The following TAOK3 variants were observed in gnomAD, a reference collection of about 807,000 sequenced individuals.
TAOK3 encodes TAO kinase 3.
Under a neutral mutation model 120.4 loss-of-function variants are expected in TAOK3, and 40 were observed. The observed-to-expected ratio is 0.33, with a 90% confidence interval of 0.26 to 0.43. The LOEUF is 0.43. Among genes scored for constraint, TAOK3 ranks in the 20% least tolerant of loss-of-function variants. The probability of loss-of-function intolerance (pLI) is 1.00; values close to 1 mark genes in which losing one functional copy is unlikely to be tolerated. For missense variants in TAOK3, 821 were observed against 1,112.1 expected (o/e 0.74, Z 3.72); for synonymous variants, 355 against 387.5 (o/e 0.92, Z 0.99).
intron 1 of TAOK3, among the ~76,000 whole-genome samples, chr12:118,291,220 G>T (rs1190280443): frequency 6.7e-6 from 1 of 150,068 alleles, no homozygotes; most frequent in Non-Finnish European, 1.5e-5. Flanking sequence ...GCAATGGTGA[G>T]ATCTCAGCTT....
chr12:118,295,176 G>C (rs1024691123), intron 1 of TAOK3: 2 of 152,012 alleles, frequency 1.3e-5, no homozygotes, highest in African/African-American at 4.8e-5. Context: ...GAGTAGCTGG[G>C]GTTACAGGTG....
chr12:118,369,965 C>T (rs1252127086), intron 1 of TAOK3, among the ~76,000 whole-genome samples: 2 of 151,998 alleles, frequency 1.3e-5, no homozygotes, highest in Admixed American at 6.5e-5. Context: ...ACCTCTGACT[C>T]CTGAGTTCAA....
At chr12:118,366,249 G>A (rs912050292) in intron 1 of TAOK3, among the ~76,000 whole-genome samples, 4 of 151,978 alleles carry the variant, frequency 2.6e-5, no homozygotes, top group South Asian at 2.1e-4. Context: ...GAGCGAAAGA[G>A]CGAGACTCAA....
intron 1 of TAOK3, among the ~76,000 whole-genome samples, chr12:118,312,312 T>C (rs953736212): frequency 6.6e-6 from 1 of 152,050 alleles, no homozygotes; most frequent in Non-Finnish European, 1.5e-5. Flanking sequence ...AAAAAAAATC[T>C]AGTCCCTTAA....
intron 1 of TAOK3, among the ~76,000 whole-genome samples, chr12:118,295,614 A>G (rs1006779088): frequency 1.9e-4 from 29 of 152,160 alleles, no homozygotes; most frequent in African/African-American, 6.8e-4. Flanking sequence ...TTTTGGCCTT[A>G]TGCTCCTTAG....
chr12:118,155,796 G>T (rs1480040062), intron 19 of TAOK3, among the ~76,000 whole-genome samples: 1 of 152,052 alleles, frequency 6.6e-6, no homozygotes, highest in Non-Finnish European at 1.5e-5. Flanking sequence ...GAGTGCAGTG[G>T]TGTGATCATA....
At position 118,172,360 on chromosome 12, in the gene TAOK3, T is replaced by G; in HGVS notation, c.1899+97A>C. 3.0e-6 allele frequency: 4 copies of G among 1,326,310 alleles called. No homozygotes were observed. In the South Asian group the frequency reaches 4.9e-5, roughly 16 times the overall value. 82.2% of individuals were successfully genotyped at this position (1,326,310 alleles called of 1,614,324 possible). A position where few individuals can be genotyped will look rare whatever the true frequency, so the allele number is the denominator to read the frequency against. On this transcript the variant is annotated intron_variant, in intron 17 of 20. Coordinates refer to ENST00000392533, the MANE Select transcript of TAOK3 (RefSeq NM_016281.4). ...CACTGTGCTAAAAGGCTAGAAAGGC[T>G]AGGGATATAGGAATGGACCAGGCAG...
intron 1 of TAOK3, among the ~76,000 whole-genome samples, chr12:118,335,689 G>A (rs1052261939): frequency 5.3e-5 from 8 of 152,008 alleles, no homozygotes; most frequent in South Asian, 2.1e-4. Context: ...AAAATTACCC[G>A]GGCGTGGTGG....
At chr12:118,183,897 A>G (rs577743222) in intron 14 of TAOK3, among the ~76,000 whole-genome samples, 26 of 152,262 alleles carry the variant, frequency 1.7e-4, no homozygotes, top group Non-Finnish European at 3.4e-4. Flanking sequence ...CTTACAGCCA[A>G]TAAAATATTC....
chr12:118,215,208 C>A (rs1460356351), intron 9 of TAOK3, among the ~76,000 whole-genome samples: 1 of 142,460 alleles, frequency 7.0e-6, no homozygotes, highest in African/African-American at 2.5e-5. Context: ...ACATCACTAA[C>A]AAAATGGCCG....
Position 118,262,573 on chromosome 12 carries a change from T to C in TAOK3, c.-89+4082A>G, listed in dbSNP as rs189943498. On this transcript the variant is annotated intron_variant, in intron 2 of 20. Transcript: ENST00000392533. ...CGGGTGCGGTGGCTCACGCCTATAA[T>C]CCCAGTACTTTGGGAGGCTGAGGTG... is the stretch of plus-strand genomic sequence containing the variant. Among the ~76,000 whole-genome samples, 1,395 of 152,068 alleles carry C rather than the reference T, an allele frequency of 9.2e-3. 25 individuals are homozygous for C. Among genetic ancestry groups the C allele is most frequent in the African/African-American group, 0.031 (1,306 of 41,464 alleles).
chr12:118,249,067 C>A (rs889831475), intron 3 of TAOK3, among the ~76,000 whole-genome samples: 8 of 152,092 alleles, frequency 5.3e-5, no homozygotes, highest in Non-Finnish European at 8.8e-5. Context: ...ATGACTACAG[C>A]CTCTATCATT....
Position 118,243,452 on chromosome 12 carries a change from T to C in TAOK3, c.257A>G (p.Glu86Gly). 6.4e-7 allele frequency: 1 copy of C among 1,572,358 alleles called. No homozygotes were observed. The highest frequency in any genetic ancestry group is 8.6e-7 in the Non-Finnish European group (1 of 1,165,256). Residue 86 changes from glutamate (E) to glycine (G), a missense_variant, in exon 5 of 21, where the codon GAG becomes GGG. Transcript: ENST00000392533. The stretch of plus-strand genomic sequence containing the variant: ...TTCTTTCAAGTAACAGCCTTTGTAC[T>C]CAATAGTATTAGGATGCTTCAATTG... ...LRQLKHPNTIEYKGCYLKEHT... is the reference protein window; with the variant it reads ...LRQLKHPNTIGYKGCYLKEHT...
chr12:118,269,405 T>TTTTTTTTTC (rs2041606053), intron 1 of TAOK3, among the ~76,000 whole-genome samples: 1 of 133,096 alleles, frequency 7.5e-6, no homozygotes, highest in Non-Finnish European at 1.6e-5. Flanking sequence ...TTTTTTTTTT[T>TTTTTTTTTC]TGAGACTCAG....
chr12:118,322,718 CTTT>C (rs199608892), intron 1 of TAOK3, among the ~76,000 whole-genome samples: 7 of 93,796 alleles, frequency 7.5e-5, no homozygotes, highest in Admixed American at 2.7e-4. Flanking sequence ...ATTTAAAAAC[CTTT>C]TTTTTTTTTT....
chr12:118,294,690 C>T (rs917448424), intron 1 of TAOK3, among the ~76,000 whole-genome samples: 2 of 152,088 alleles, frequency 1.3e-5, no homozygotes, highest in African/African-American at 4.8e-5. Flanking sequence ...CATATGAATA[C>T]AATTACACAG....
intron 19 of TAOK3, among the ~76,000 whole-genome samples, chr12:118,153,972 T>G (rs1454531484): frequency 6.6e-6 from 1 of 152,188 alleles, no homozygotes; most frequent in African/African-American, 2.4e-5. Context: ...TTAAAACCCT[T>G]AAAGAGGACA....
intron 12 of TAOK3, 191 bp downstream of exon 12, chr12:118,201,105 C>G: frequency 1.9e-6 from 1 of 530,436 alleles, no homozygotes; most frequent in Non-Finnish European, 3.3e-6. Flanking sequence ...GGTTACACCT[C>G]TGTAGCACTT....
In TAOK3 at chr12:118,243,479, C is replaced by T. The variant is rs75202604; in HGVS notation, c.230G>A (p.Arg77Gln). Residue 77 changes from arginine to glutamine, a missense_variant, in exon 5 of 21, where the codon CGA becomes CAA. Coordinates refer to ENST00000392533, the MANE Select transcript of TAOK3 (RefSeq NM_016281.4). ...AATAGTATTAGGATGCTTCAATTGT[C>T]GTAAAAATTTAACTTCCTTAAGAAT... ...QDILKEVKFL[R>Q]QLKHPNTIEY... 8.1e-5 allele frequency: 123 copies of T among 1,526,528 alleles called. No individual in the cohort carries two copies. Among genetic ancestry groups the T allele is most frequent in the East Asian group, 7.4e-5 (3 of 40,762 alleles). The allele number at this position is 1,526,528 out of a possible 1,614,324, so 94.6% of individuals were successfully genotyped here. A position where few individuals can be genotyped will look rare whatever the true frequency, so the allele number is the denominator to read the frequency against.
Sources: gnomAD v4.1 joint callset for allele counts (sites outside exome capture counted in the v4.1 genomes callset) on GRCh38, gnomAD v4.1.1 for gene constraint, MANE v1.5 for transcripts, NCBI Gene and HGNC (gene_info 2026-07-23, HGNC 2026-07-21) for gene names.